Variants in ANKRD17 observed in about 807,000 individuals in gnomAD.
ANKRD17 encodes the protein ankyrin repeat domain 17, also known as ankyrin repeat domain-containing protein 17.
In ANKRD17, 19 loss-of-function variants were observed where a neutral mutation model predicts 229.7. The observed-to-expected ratio is 0.08, with a 90% CI of 0.06 to 0.12. The LOEUF is 0.12. ANKRD17 is among the 10% of genes least tolerant of loss of function. The probability of loss-of-function intolerance (pLI) is 1.00; values close to 1 mark genes in which losing one functional copy is unlikely to be tolerated. For missense variants in ANKRD17, 2,176 were observed against 3,176.8 expected (o/e 0.68, Z 7.57); for synonymous variants, 1,112 against 1,146.1 (o/e 0.97, Z 0.60).
intron 16 of ANKRD17, among the ~76,000 whole-genome samples, chr4:73,130,697 A>C (rs921637307): frequency 6.6e-6 from 1 of 152,024 alleles, no homozygotes; most frequent in Non-Finnish European, 1.5e-5. Context: ...TAAAAACAAC[A>C]AGCAGTTTAG....
intron 1 of ANKRD17, among the ~76,000 whole-genome samples, chr4:73,216,365 GA>G (rs1269459929): frequency 4.6e-5 from 7 of 151,768 alleles, no homozygotes; most frequent in African/African-American, 1.7e-4. Flanking sequence ...ATAACTCTCA[GA>G]AACAAAAAAC....
At position 73,170,522 on chromosome 4, in the gene ANKRD17, G is replaced by C. The variant is rs1407132511; in HGVS notation, c.547+6858C>G. ...CCCAGCTATGGTGGCAACAGTGACA[G>C]CACAGTTGGGGTCGGGGGGCGGGGG... On this transcript the variant is annotated intron_variant, in intron 2 of 33. Coordinates refer to ENST00000358602, the MANE Select transcript of ANKRD17 (RefSeq NM_032217.5). 5.9e-5 allele frequency among the ~76,000 whole-genome samples: 9 copies of C among 151,344 alleles called. No individual in the cohort carries two copies. The East Asian group carries it at 1.8e-3, about 30-fold the overall frequency.
At chr4:73,179,518 A>ATATATATATATTT (rs1192164276) in intron 1 of ANKRD17, among the ~76,000 whole-genome samples, 6 of 40,776 alleles carry the variant, frequency 1.5e-4, no homozygotes, top group Non-Finnish European at 2.3e-4. Flanking sequence ...ATATATATAT[A>ATATATATATATTT]TTTTTTTTTT....
intron 1 of ANKRD17, among the ~76,000 whole-genome samples, chr4:73,188,477 C>A (rs1030427626): frequency 1.3e-5 from 2 of 151,930 alleles, no homozygotes; most frequent in African/African-American, 4.8e-5. Flanking sequence ...CCCCGCTACT[C>A]AGGAGGCTGA....
chr4:73,164,442 C>T (rs574453639), intron 2 of ANKRD17, among the ~76,000 whole-genome samples: 10 of 152,098 alleles, frequency 6.6e-5, no homozygotes, highest in Admixed American at 6.5e-4. Context: ...TTCTAGCTAC[C>T]CTGAATTATG....
chr4:73,143,621 G>A (rs559531916), intron 11 of ANKRD17, among the ~76,000 whole-genome samples: 46 of 152,212 alleles, frequency 3.0e-4, no homozygotes, highest in African/African-American at 1.1e-3. Context: ...AAGTAATTTC[G>A]CCAGTAAGTT....
chr4:73,214,970 G>A (rs572754399), intron 1 of ANKRD17, among the ~76,000 whole-genome samples: 6 of 151,676 alleles, frequency 4.0e-5, no homozygotes, highest in Non-Finnish European at 5.9e-5. Flanking sequence ...CCCAAAGTAC[G>A]GTAGCTGTCT....
rs538098921 is a variant in ANKRD17 at position 73,195,476 on chromosome 4, C to T, written c.394-17943G>A. Among the ~76,000 whole-genome samples, 212 of 152,034 alleles carry T rather than the reference C, an allele frequency of 1.4e-3. 1 individual carries two copies. The highest frequency in any genetic ancestry group is 4.6e-3 in the African/African-American group (191 of 41,468). ...TTTAACATATCATGTAATATGTGCACGAAGTCATGTAGACTTAAGAGTTTT... is the reference window on the plus strand; with the variant it reads ...TTTAACATATCATGTAATATGTGCATGAAGTCATGTAGACTTAAGAGTTTT... On this transcript the variant is annotated intron_variant, in intron 1 of 33. Coordinates refer to ENST00000358602, the MANE Select transcript of ANKRD17 (RefSeq NM_032217.5).
In ANKRD17 at chr4:73,258,619, T is replaced by C; in HGVS notation, c.50A>G (p.Glu17Gly). Reference sequence around the variant, plus strand: ...AGCCGCCACCGCCGGGGGGCTCCCTTCTCCTTCTGCAGCCGTCGCCGCCGC... The same window carrying C: ...AGCCGCCACCGCCGGGGGGCTCCCTCCTCCTTCTGCAGCCGTCGCCGCCGC... ...PVAAATAAEG[E>G]GSPPAVAAVA... Residue 17 changes from glutamate to glycine, a missense_variant, in exon 1 of 34, where the codon GAA (glutamate) becomes GGA (glycine). Glu to Gly is a moderately conservative substitution (Grantham distance 98). This residue lies in a region of ANKRD17 where 196 missense variants were observed against 190.0 expected (regional missense o/e 1.03). Coordinates refer to ENST00000358602, the MANE Select transcript of ANKRD17 (RefSeq NM_032217.5). 6.7e-7 allele frequency: 1 copy of C among 1,482,616 alleles called. No homozygotes were observed. The highest frequency in any genetic ancestry group is 8.9e-7 in the Non-Finnish European group (1 of 1,126,644). 91.8% of individuals were successfully genotyped at this position (1,482,616 alleles called of 1,614,324 possible).
chr4:73,109,709 C>T (rs1725069386), intron 24 of ANKRD17, among the ~76,000 whole-genome samples: 2 of 152,050 alleles, frequency 1.3e-5, no homozygotes, highest in Admixed American at 6.5e-5. Context: ...TAAAAGGGTT[C>T]GTTGTCACAC....
At chr4:73,214,395 C>T (rs1490669583) in intron 1 of ANKRD17, among the ~76,000 whole-genome samples, 1 of 152,164 alleles carries the variant, frequency 6.6e-6, no homozygotes, top group Non-Finnish European at 1.5e-5. Context: ...AGCAGTTGTG[C>T]AAGTGTGGTC....
rs533387897 is a variant in ANKRD17, at chr4:73,090,963, G to C, written c.6665C>G (p.Ser2222Trp). Residue 2222 changes from serine (S) to tryptophan (W), a missense_variant, in exon 29 of 34, where the codon TCG becomes TGG. Ser to Trp is a radical substitution (Grantham distance 177). Transcript: ENST00000358602. The part of the protein sequence containing the change: ...HSVPSSVQLP[S>W]TLSTQSACQN... ...ACAAGCACTTTGTGTACTTAAGGTC[G>C]AAGGTAGCTGGACAGAAGAGGGAAC... 6.2e-7 allele frequency: 1 copy of C among 1,614,104 alleles called. No individual in the cohort carries two copies. The highest frequency in any genetic ancestry group is 1.3e-5 in the African/African-American group (1 of 74,928).
chr4:73,177,161 G>T (rs1460763225), intron 2 of ANKRD17, among the ~76,000 whole-genome samples: 1 of 152,166 alleles, frequency 6.6e-6, no homozygotes, highest in Non-Finnish European at 1.5e-5. Context: ...ATCTCTCTTT[G>T]TAAGGTCAAC....
chr4:73,164,539 C>T (rs912946078), intron 2 of ANKRD17, among the ~76,000 whole-genome samples: 12 of 152,108 alleles, frequency 7.9e-5, no homozygotes, highest in African/African-American at 2.4e-4. Context: ...TGGTGGCTTA[C>T]GCCTGTAATC....
intron 1 of ANKRD17, among the ~76,000 whole-genome samples, chr4:73,214,198 T>G (rs935923490): frequency 2.0e-5 from 3 of 152,188 alleles, no homozygotes; most frequent in Admixed American, 6.5e-5. Context: ...AATTGCTATA[T>G]TGTAGTTAAA....
intron 15 of ANKRD17, among the ~76,000 whole-genome samples, chr4:73,138,082 C>A (rs1029114355): frequency 5.3e-5 from 8 of 152,106 alleles, no homozygotes; most frequent in African/African-American, 1.9e-4. Flanking sequence ...CATGATAGAG[C>A]ACTATTATGA....
chr4:73,224,072 A>G (rs1742197402), intron 1 of ANKRD17, among the ~76,000 whole-genome samples: 1 of 152,146 alleles, frequency 6.6e-6, no homozygotes, highest in Admixed American at 6.5e-5. Flanking sequence ...CCTGGCCAAC[A>G]TGGTGAAACC....
rs538873745 is a variant in ANKRD17 at position 73,091,271 on chromosome 4, T to G, written c.6357A>C (p.Pro2119=). 1.2e-6 allele frequency: 2 copies of G among 1,614,230 alleles called. No homozygotes were observed. The highest frequency in any genetic ancestry group is 2.2e-5 in the South Asian group (2 of 91,086). The change falls in exon 29 of 34, where the codon CCA becomes CCC. Residue 2119 remains proline, a synonymous_variant. Coordinates refer to ENST00000358602, the MANE Select transcript of ANKRD17 (RefSeq NM_032217.5). ...QQPPGSVSQE[P]RPPLQQSQVP... is the part of the protein sequence containing the mutation. ...CCTGAGACTGCTGAAGAGGTGGTCT[T>G]GGTTCCTGAGAAACAGATCCCGGAG...
intron 1 of ANKRD17, among the ~76,000 whole-genome samples, chr4:73,190,224 A>C (rs961402097): frequency 6.6e-6 from 1 of 151,896 alleles, no homozygotes; most frequent in Admixed American, 6.6e-5. Context: ...CAAAAATCAG[A>C]CAGGTGTGGT....
Sources: gnomAD v4.1 joint callset for allele counts (sites outside exome capture counted in the v4.1 genomes callset) on GRCh38, gnomAD v4.1.1 for gene constraint, gnomAD v4.1.1 regional missense constraint, MANE v1.5 for transcripts, NCBI Gene and HGNC (gene_info 2026-07-23, HGNC 2026-07-21) for gene names.